The following ENKUR variants were observed in gnomAD, a reference collection of about 807,000 sequenced individuals.
ENKUR encodes enkurin, TRPC channel interacting protein.
ENKUR carries 19 observed loss-of-function variants against 27.6 expected under a neutral mutation model. The observed-to-expected ratio is 0.69, with a 90% confidence interval of 0.48 to 1.01. The LOEUF is 1.01. Among genes scored for constraint, ENKUR ranks in the 50% least tolerant of loss-of-function variants. The pLI, the probability that ENKUR is intolerant of heterozygous loss-of-function variation, is 0.00. For synonymous variants in ENKUR, 117 were observed against 96.9 expected (o/e 1.21, Z -1.22); for missense variants, 312 against 310.5 (o/e 1.00, Z -0.04).
intron 2 of ENKUR, among the ~76,000 whole-genome samples, chr10:25,022,577 C>A (rs1240733492): frequency 6.6e-6 from 1 of 152,146 alleles, no homozygotes; most frequent in Non-Finnish European, 1.5e-5. Flanking sequence ...ATACCTTTGT[C>A]CTGTAGTTTG....
intron 3 of ENKUR, among the ~76,000 whole-genome samples, chr10:24,992,636 C>T (rs1849950746): frequency 6.6e-6 from 1 of 152,134 alleles, no homozygotes; most frequent in Admixed American, 6.5e-5. Context: ...GGAAGAAGGA[C>T]AAGAAGCAGA....
intron 2 of ENKUR, among the ~76,000 whole-genome samples, chr10:25,035,137 AGAAAGGT>A (rs1232893664): frequency 6.6e-6 from 1 of 152,248 alleles, no homozygotes; most frequent in South Asian, 2.1e-4. Context: ...CCAAGACCTC[AGAAAGGT>A]GACAGTGCCA....
intron 2 of ENKUR, among the ~76,000 whole-genome samples, chr10:25,027,550 A>C (rs1850881410): frequency 6.6e-6 from 1 of 151,478 alleles, no homozygotes; most frequent in Non-Finnish European, 1.5e-5. Flanking sequence ...AAAAAAAAAA[A>C]AAAAGCATTA....
chr10:25,033,876 A>G (rs574663516), intron 2 of ENKUR, among the ~76,000 whole-genome samples: 12 of 151,514 alleles, frequency 7.9e-5, no homozygotes, highest in Non-Finnish European at 1.6e-4. Context: ...TCAATCATCT[A>G]TTGTCTGTCT....
rs1850032525 is a variant in ENKUR, at chr10:24,995,672, G to T, written c.421C>A (p.Leu141Ile). Reference protein sequence around the residue: ...GDKHDLEPSGLVPKYINKKDY... With the variant: ...GDKHDLEPSGIVPKYINKKDY... ...TTTTTATTGATGTACTTTGGAACTA[G>T]TCCTGAAGGCTCAAGATCATGCTTG... Residue 141 changes from leucine (L) to isoleucine (I), a missense_variant, in exon 3 of 6, where the codon CTA becomes ATA. Transcript: ENST00000331161. 1 of 1,613,572 alleles carries T rather than the reference G, an allele frequency of 6.2e-7. No homozygotes were observed. The highest frequency in any genetic ancestry group is 1.1e-5 in the South Asian group (1 of 90,922).
In ENKUR at chr10:25,059,411, C is replaced by T. The variant is rs548535530; in HGVS notation, c.37+1701G>A. ...CCTCCCAAAGTGCTGGGATTACAGG[C>T]GTGAGCCACTGCACCCAGCCTTGTC... is the stretch of plus-strand genomic sequence containing the variant. On this transcript the variant is annotated intron_variant, in intron 2 of 5. Transcript: ENST00000615958. 2.1e-3 allele frequency among the ~76,000 whole-genome samples: 325 copies of T among 152,176 alleles called. 2 individuals are homozygous for T. The highest frequency in any genetic ancestry group is 1.7e-3 in the East Asian group (9 of 5,160).
intron 3 of ENKUR, among the ~76,000 whole-genome samples, chr10:24,994,002 G>T (rs78416740): frequency 0.017 from 2,576 of 152,110 alleles, 68 homozygotes; most frequent in African/African-American, 0.059. Context: ...CAGTTTCCAG[G>T]GGCCACAGAA....
At chr10:25,030,755 T>C (rs902345912) in intron 2 of ENKUR, among the ~76,000 whole-genome samples, 1 of 152,230 alleles carries the variant, frequency 6.6e-6, no homozygotes, top group Non-Finnish European at 1.5e-5. Flanking sequence ...GTTCTTTCTT[T>C]CTCAAACTCC....
Position 25,045,236 on chromosome 10 carries a change from TA to T in ENKUR, c.37+15875del, listed in dbSNP as rs540147145. On this transcript the variant is annotated intron_variant, in intron 2 of 5. Transcript: ENST00000615958. ...TAGTCTGATAAAAGTTGCTTTACCT[TA>T]TCTGAAGCTGGTAGAATGGGCAAGA... Among the ~76,000 whole-genome samples the T allele has an allele frequency of 3.8e-3, 572 of 152,328 alleles. 2 individuals carry two copies. Among genetic ancestry groups the T allele is most frequent in the African/African-American group, 0.013 (533 of 41,572 alleles).
intron 1 of ENKUR, among the ~76,000 whole-genome samples, chr10:25,012,170 C>A (rs1850461701): frequency 6.6e-6 from 1 of 152,216 alleles, no homozygotes; most frequent in African/African-American, 2.4e-5. Context: ...TTGGGAACCT[C>A]CACCTAGATT....
At position 25,043,090 on chromosome 10, in the gene ENKUR, G is replaced by C. The variant is rs185835631; in HGVS notation, c.37+18022C>G. ...CATTGAAGTATTAAGGGAGAACAAG[G>C]CACCAAAATTAGGTTTGAAAATTTG... On this transcript the variant is annotated intron_variant, in intron 2 of 5. Coordinates refer to the ENKUR transcript ENST00000615958. Among the ~76,000 whole-genome samples, 10 of 152,192 alleles carry C rather than the reference G, an allele frequency of 6.6e-5. No individual in the cohort carries two copies. The East Asian group carries it at 1.7e-3, about 26-fold the overall frequency.
intron 2 of ENKUR, among the ~76,000 whole-genome samples, chr10:25,045,798 T>C (rs1198309990): frequency 6.6e-6 from 1 of 152,216 alleles, no homozygotes; most frequent in Non-Finnish European, 1.5e-5. Context: ...TCAAGCATCC[T>C]GAAATGCAAG....
At chr10:25,003,831 C>T (rs1416151489) in intron 1 of ENKUR, among the ~76,000 whole-genome samples, 2 of 152,174 alleles carry the variant, frequency 1.3e-5, no homozygotes, top group South Asian at 2.1e-4. Context: ...TCCTTCCACC[C>T]CCAGCCTCCG....
intron 2 of ENKUR, among the ~76,000 whole-genome samples, chr10:25,048,822 A>G (rs1229274200): frequency 6.6e-6 from 1 of 151,610 alleles, no homozygotes; most frequent in Non-Finnish European, 1.5e-5. Flanking sequence ...GTCTTTTTAT[A>G]TCTTTACCCC....
intron 1 of ENKUR, among the ~76,000 whole-genome samples, chr10:25,001,954 G>C (rs1430512060): frequency 6.6e-6 from 1 of 152,106 alleles, no homozygotes; most frequent in Non-Finnish European, 1.5e-5. Flanking sequence ...ATTGTTTGTT[G>C]CTGAATTTTT....
intron 2 of ENKUR, among the ~76,000 whole-genome samples, chr10:25,044,448 G>A (rs981192894): frequency 2.0e-5 from 3 of 152,162 alleles, no homozygotes; most frequent in African/African-American, 7.2e-5. Context: ...CCAGGCTGGA[G>A]TGCAATGGCA....
chr10:25,003,961 G>A (rs1850253769), intron 1 of ENKUR, among the ~76,000 whole-genome samples: 1 of 152,150 alleles, frequency 6.6e-6, no homozygotes, highest in Non-Finnish European at 1.5e-5. Flanking sequence ...GTTTGCTAAG[G>A]ATAATGGCCT....
At chr10:25,057,918 T>C (rs1467543814) in intron 2 of ENKUR, among the ~76,000 whole-genome samples, 4 of 151,858 alleles carry the variant, frequency 2.6e-5, no homozygotes, top group African/African-American at 7.3e-5. Context: ...TATGTAGGCA[T>C]GGTGGTGCAA....
chr10:25,037,165 T>A (rs1851017894), intron 2 of ENKUR, among the ~76,000 whole-genome samples: 1 of 152,200 alleles, frequency 6.6e-6, no homozygotes, highest in African/African-American at 2.4e-5. Context: ...TGTACACTTT[T>A]CTGAAAGCTA....
Sources: allele counts gnomAD v4.1 joint callset (sites outside exome capture counted in the v4.1 genomes callset), GRCh38; gene constraint gnomAD v4.1.1; transcripts MANE v1.5; gene names NCBI Gene and HGNC (gene_info 2026-07-23, HGNC 2026-07-21).